MED20: variants seen among roughly 807,000 people sequenced by gnomAD.
MED20 encodes mediator of RNA polymerase II transcription subunit 20.
In MED20, 19 loss-of-function variants were observed where a neutral mutation model predicts 19.7. That is an observed-to-expected ratio of 0.96 (90% CI 0.67 to 1.42). The LOEUF (loss-of-function observed/expected upper bound fraction) is 1.42. Ranked by LOEUF, MED20 falls within the 40% of genes most tolerant of loss-of-function variation. The probability of loss-of-function intolerance (pLI) is 0.00; values close to 1 mark genes in which losing one functional copy is unlikely to be tolerated. For synonymous variants in MED20, 105 were observed against 104.8 expected (o/e 1.00, Z -0.01); for missense variants, 225 against 273.0 (o/e 0.82, Z 1.24).
intron 1 of MED20, chr6:41,918,052 G>A (rs1775360766): frequency 1.1e-5 from 3 of 269,898 alleles, no homozygotes; most frequent in South Asian, 9.7e-5. Flanking sequence ...TCCTCCTATG[G>A]TGAGTGAACC....
At chr6:41,915,331 C>G (rs1463442869) in intron 2 of MED20, among the ~76,000 whole-genome samples, 1 of 151,044 alleles carries the variant, frequency 6.6e-6, no homozygotes, top group Non-Finnish European at 1.5e-5. Context: ...TGACCACACC[C>G]AAAAGTAAAA....
chr6:41,911,946 G>A (rs1775204928), intron 2 of MED20, among the ~76,000 whole-genome samples: 1 of 152,128 alleles, frequency 6.6e-6, no homozygotes, highest in Non-Finnish European at 1.5e-5. Context: ...GAGTCTACAA[G>A]TGTTACTGCC....
intron 2 of MED20, among the ~76,000 whole-genome samples, chr6:41,909,861 C>T (rs750498963): frequency 1.3e-5 from 2 of 152,130 alleles, no homozygotes; most frequent in Non-Finnish European, 2.9e-5. Flanking sequence ...ACAGACTTTA[C>T]GTATAATCTT....
intron 1 of MED20, among the ~76,000 whole-genome samples, chr6:41,919,518 T>G (rs1775404931): frequency 6.6e-6 from 1 of 152,154 alleles, no homozygotes; most frequent in African/African-American, 2.4e-5. Flanking sequence ...GTGCCTTATT[T>G]TGAAATACAA....
chr6:41,909,671 T>G (rs1235644980), intron 2 of MED20, 149 bp from the exon 3 acceptor site: 6 of 1,178,186 alleles, frequency 5.1e-6, no homozygotes, highest in Admixed American at 5.1e-5. Context: ...ATCCTCTCAC[T>G]GACAGCCTTT....
intron 1 of MED20, among the ~76,000 whole-genome samples, chr6:41,919,549 T>C (rs1299252925): frequency 6.6e-6 from 1 of 152,180 alleles, no homozygotes; most frequent in Non-Finnish European, 1.5e-5. Context: ...AAACTGACGC[T>C]ACAAGTGACA....
chr6:41,912,984 C>T (rs1486601670), intron 2 of MED20: 2 of 151,932 alleles, frequency 1.3e-5, no homozygotes, highest in Admixed American at 6.6e-5. Flanking sequence ...GTGGCACGCA[C>T]CTGTGGCCCC....
Position 41,916,836 on chromosome 6 carries a change from A to C in MED20, c.118T>G (p.Cys40Gly), listed in dbSNP as rs1185278503. 6.2e-7 allele frequency: 1 copy of C among 1,614,088 alleles called. No homozygotes were observed. The highest frequency in any genetic ancestry group is 1.1e-5 in the South Asian group (1 of 91,088). Residue 40 changes from cysteine to glycine, a missense_variant, in exon 2 of 4, where the codon TGT (cysteine) becomes GGT (glycine). Transcript: ENST00000265350. ...GTATGGTAAGTCTCACAGTCCACAC[A>C]AAATGTTCCTTGCTTCTCTGCCCCA... is the stretch of plus-strand genomic sequence containing the variant. ...MLGAEKQGTF[C>G]VDCETYHTAA...
intron 3 of MED20, among the ~76,000 whole-genome samples, chr6:41,908,047 A>G (rs1456038284): frequency 2.0e-5 from 3 of 152,192 alleles, no homozygotes; most frequent in Non-Finnish European, 4.4e-5. Context: ...AACTACCACT[A>G]ATGCCCTTTT....
At chr6:41,915,924 G>A (rs1411348149) in intron 2 of MED20, among the ~76,000 whole-genome samples, 3 of 152,140 alleles carry the variant, frequency 2.0e-5, no homozygotes, top group Non-Finnish European at 4.4e-5. Context: ...CATTAGATGT[G>A]TACAACTACT....
In MED20 at chr6:41,918,047, C is replaced by T. The variant is rs1420189423; in HGVS notation, c.15-1108G>A. 1.5e-5 allele frequency: 4 copies of T among 274,106 alleles called. No individual in the cohort carries two copies. The East Asian group carries it at 3.6e-4, about 25-fold the overall frequency. 17.0% of individuals were successfully genotyped at this position (274,106 alleles called of 1,614,324 possible). Reference sequence around the variant, plus strand: ...AAAACGTTATTTCTAAGGTTTCCTCCTATGGTGAGTGAACCTCTTATGGTG... The same window carrying T: ...AAAACGTTATTTCTAAGGTTTCCTCTTATGGTGAGTGAACCTCTTATGGTG... On this transcript the variant is annotated intron_variant, in intron 1 of 3. Coordinates refer to ENST00000265350, the MANE Select transcript of MED20 (RefSeq NM_004275.5).
In MED20 at chr6:41,909,278, G is replaced by A. The variant is rs1775130111; in HGVS notation, c.414C>T (p.Ile138=). Residue 138 remains isoleucine (I), a synonymous_variant, in exon 3 of 4, where the codon ATC becomes ATT. Transcript: ENST00000265350. ...TVTMGPSARG[I]SVEVEYGPCV... ...TTCACCAAGGTCTTACCTCCACAGAGATGCCCCGGGCACTGGGCCCCATTG... is the reference window on the plus strand; with the variant it reads ...TTCACCAAGGTCTTACCTCCACAGAAATGCCCCGGGCACTGGGCCCCATTG... 6.2e-7 allele frequency: 1 copy of A among 1,613,872 alleles called. No homozygotes were observed. The highest frequency in any genetic ancestry group is 2.2e-5 in the East Asian group (1 of 44,866).
chr6:41,906,777 T>C lies in MED20; in HGVS notation c.*295A>G. The C allele has an allele frequency of 2.6e-6, 1 of 380,964 alleles. No individual in the cohort carries two copies. Among genetic ancestry groups the C allele is most frequent in the Non-Finnish European group, 4.9e-6 (1 of 205,318 alleles). The allele number at this position is 380,964 out of a possible 1,614,324, so 23.6% of individuals were successfully genotyped here. A position where few individuals can be genotyped will look rare whatever the true frequency, so the allele number is the denominator to read the frequency against. ...CAGGCAGGGACATTCCTGTCCTACCTTTCCCCTAAAGGAGGCAAGGTCCAA... is the reference window on the plus strand; with the variant it reads ...CAGGCAGGGACATTCCTGTCCTACCCTTCCCCTAAAGGAGGCAAGGTCCAA... On this transcript the variant is annotated 3_prime_UTR_variant, in exon 4 of 4. Coordinates refer to ENST00000265350, the MANE Select transcript of MED20 (RefSeq NM_004275.5).
At chr6:41,914,046 A>G (rs1490636344) in intron 2 of MED20, among the ~76,000 whole-genome samples, 2 of 152,262 alleles carry the variant, frequency 1.3e-5, no homozygotes, top group African/African-American at 4.8e-5. Context: ...AGCCCATGTC[A>G]GATAGTTTTG....
In MED20 at chr6:41,906,305, G is replaced by A. The variant is rs1183835327; in HGVS notation, c.*767C>T. 6.6e-6 allele frequency: 1 copy of A among 152,272 alleles called. No homozygotes were observed. Among genetic ancestry groups the A allele is most frequent in the South Asian group, 2.1e-4 (1 of 4,826 alleles). 9.4% of individuals were successfully genotyped at this position (152,272 alleles called of 1,614,324 possible). On this transcript the variant is annotated 3_prime_UTR_variant, in exon 4 of 4. Transcript: ENST00000265350. ...GAGTCTGCTTTGATCTTATGGGTAA[G>A]AAAACATACTGGGAATGGCTGAATA... is the stretch of plus-strand genomic sequence containing the variant.
chr6:41,916,944 A>T lies in MED20; in HGVS notation c.15-5T>A, dbSNP rs1185412378. ...GCCACAGGCATCTGGGACACACTGG[A>T]AAGGAGAGCACCAAATCGTCAGTTA... is the stretch of plus-strand genomic sequence containing the variant. On this transcript the variant is annotated splice_polypyrimidine_tract_variant and splice_region_variant and intron_variant, in intron 1 of 3. Transcript: ENST00000265350. 1 of 1,613,678 alleles carries T rather than the reference A, an allele frequency of 6.2e-7. No homozygotes were observed. Among genetic ancestry groups the T allele is most frequent in the Non-Finnish European group, 8.5e-7 (1 of 1,179,908 alleles).
chr6:41,920,619 ACAAAAAGTAACCGGG>A (rs1269690037), intron 1 of MED20, among the ~76,000 whole-genome samples: 7 of 152,134 alleles, frequency 4.6e-5, no homozygotes, highest in African/African-American at 1.2e-4. Context: ...TACTAAAAAT[ACAAAAAGTAACCGGG>A]CGTGGTGGCG....
chr6:41,916,001 CT>C (rs1207913012), intron 2 of MED20, among the ~76,000 whole-genome samples: 3 of 151,914 alleles, frequency 2.0e-5, no homozygotes, highest in Non-Finnish European at 2.9e-5. Context: ...AATCCCAGTA[CT>C]TTGGGAAGCT....
intron 1 of MED20, among the ~76,000 whole-genome samples, chr6:41,918,171 G>A (rs116460871): frequency 0.056 from 8,543 of 152,204 alleles, 420 homozygotes; most frequent in Admixed American, 0.12. Context: ...AAATCCTCAC[G>A]ATAGTCCTAT....
Sources: gnomAD v4.1 joint callset for allele counts (sites outside exome capture counted in the v4.1 genomes callset) on GRCh38, gnomAD v4.1.1 for gene constraint, MANE v1.5 for transcripts, NCBI Gene and HGNC (gene_info 2026-07-23, HGNC 2026-07-21) for gene names.